The following FAF1 variants were observed in gnomAD, a reference collection of about 807,000 sequenced individuals.
FAF1 encodes the protein Fas associated factor 1.
FAF1 carries 25 observed loss-of-function variants against 92.5 expected under a neutral mutation model. The ratio of observed to expected loss-of-function variants is 0.27; its 90% CI spans 0.20 to 0.38. The LOEUF is 0.38. FAF1 is among the 10% of genes least tolerant of loss of function. The pLI, the probability that FAF1 is intolerant of heterozygous loss-of-function variation, is 1.00. For synonymous variants in FAF1, 234 were observed against 273.2 expected, an observed-to-expected ratio of 0.86 and a Z score of 1.42; for missense variants, 636 against 793.3, an observed-to-expected ratio of 0.80 and a Z score of 2.38.
intron 1 of FAF1, among the ~76,000 whole-genome samples, chr1:50,927,724 A>C (rs1049637733): frequency 6.6e-6 from 1 of 152,144 alleles, no homozygotes; most frequent in African/African-American, 2.4e-5. Flanking sequence ...TGTTTAAACA[A>C]ATTTTTTTTC....
chr1:50,941,595 C>T (rs777752806), intron 1 of FAF1, among the ~76,000 whole-genome samples: 2 of 152,118 alleles, frequency 1.3e-5, no homozygotes, highest in Non-Finnish European at 1.5e-5. Flanking sequence ...TGGGCTCAAT[C>T]GATCCTCCCA....
At chr1:50,876,835 C>T (rs1644575785) in intron 1 of FAF1, among the ~76,000 whole-genome samples, 1 of 152,172 alleles carries the variant, frequency 6.6e-6, no homozygotes. Context: ...CCGCCCACCT[C>T]GGCCTCCCAA....
At chr1:50,707,868 A>G (rs1421988024) in intron 6 of FAF1, among the ~76,000 whole-genome samples, 1 of 152,218 alleles carries the variant, frequency 6.6e-6, no homozygotes, top group Non-Finnish European at 1.5e-5. Flanking sequence ...TCTGGAAACT[A>G]CCATAGGAGT....
At chr1:50,741,174 A>C (rs1012745138) in intron 5 of FAF1, among the ~76,000 whole-genome samples, 16 of 152,236 alleles carry the variant, frequency 1.1e-4, no homozygotes, top group Admixed American at 7.9e-4. Flanking sequence ...TAGATACAGA[A>C]GCCTGTTGGA....
chr1:50,505,267 G>C (rs1297706075), intron 15 of FAF1, among the ~76,000 whole-genome samples: 1 of 152,086 alleles, frequency 6.6e-6, no homozygotes, highest in Admixed American at 6.5e-5. Context: ...CCTCACAATA[G>C]GTTCCCAAAT....
chr1:50,887,735 A>G (rs916812001), intron 1 of FAF1, among the ~76,000 whole-genome samples: 4 of 152,100 alleles, frequency 2.6e-5, no homozygotes, highest in Admixed American at 1.3e-4. Context: ...CCATTGGTCT[A>G]TATCTCTGTT....
chr1:50,467,790 A>C (rs2148993885), intron 18 of FAF1, among the ~76,000 whole-genome samples: 1 of 152,280 alleles, frequency 6.6e-6, no homozygotes, highest in African/African-American at 2.4e-5. Context: ...TTTGTGCCTC[A>C]GTTTCCCTAT....
At chr1:50,845,569 T>A (rs1003543241) in intron 2 of FAF1, among the ~76,000 whole-genome samples, 4 of 152,024 alleles carry the variant, frequency 2.6e-5, no homozygotes, top group African/African-American at 7.2e-5. Flanking sequence ...TACCCACTCT[T>A]CTGCTTGCTG....
intron 12 of FAF1, among the ~76,000 whole-genome samples, chr1:50,574,898 C>CTTTTTTTT (rs891527014): frequency 2.8e-5 from 2 of 71,446 alleles, no homozygotes; most frequent in Non-Finnish European, 5.5e-5. Flanking sequence ...TGTATTAACT[C>CTTTTTTTT]TTTTTTTTTT....
At chr1:50,717,002 G>A (rs953226202) in intron 6 of FAF1, among the ~76,000 whole-genome samples, 2 of 152,124 alleles carry the variant, frequency 1.3e-5, no homozygotes, top group Non-Finnish European at 1.5e-5. Flanking sequence ...TGAAGTCAGC[G>A]AGACCACCAA....
chr1:50,448,445 T>C (rs1211171742), intron 18 of FAF1, among the ~76,000 whole-genome samples: 4 of 152,232 alleles, frequency 2.6e-5, no homozygotes, highest in Non-Finnish European at 5.9e-5. Flanking sequence ...GGGAAGTATT[T>C]ATTTCACATT....
At chr1:50,676,362 A>C (rs1656118801) in intron 7 of FAF1, among the ~76,000 whole-genome samples, 1 of 149,860 alleles carries the variant, frequency 6.7e-6, no homozygotes, top group East Asian at 2.0e-4. Flanking sequence ...AGCCAAGATC[A>C]CGCCATTGCA....
rs1656792744 is a variant in FAF1, at chr1:50,688,920, CA to C, written c.657+16865del. On this transcript the variant is annotated intron_variant, in intron 7 of 18. Transcript: ENST00000396153. ...TAAGCTGAGTGAAATAAGCCAAATA[CA>C]AAAGGCCACATACTGTATGATTCCA... 2.6e-5 allele frequency among the ~76,000 whole-genome samples: 4 copies of C among 152,070 alleles called. No homozygotes were observed. In the South Asian group the frequency reaches 6.2e-4, roughly 24 times the overall value.
At position 50,612,370 on chromosome 1, in the gene FAF1, A is replaced by C. The variant is rs1268180121; in HGVS notation, c.745-16154T>G. ...TCATTTTATTATAAGTTTGATAAAT[A>C]AAGAGGTTCCGTTAGTGGAGAAACC... On this transcript the variant is annotated intron_variant, in intron 8 of 18. Transcript: ENST00000396153. 3 of 1,240,796 alleles carry C rather than the reference A, an allele frequency of 2.4e-6. No homozygotes were observed. The African/African-American group carries it at 4.7e-5, about 20-fold the overall frequency. The allele number at this position is 1,240,796 out of a possible 1,614,324, so 76.9% of individuals were successfully genotyped here. A position where few individuals can be genotyped will look rare whatever the true frequency, so the allele number is the denominator to read the frequency against.
intron 4 of FAF1, among the ~76,000 whole-genome samples, chr1:50,780,073 A>C (rs1661114609): frequency 6.6e-6 from 1 of 151,998 alleles, no homozygotes; most frequent in Non-Finnish European, 1.5e-5. Flanking sequence ...GAAAACATAT[A>C]AGAAAATGTT....
intron 2 of FAF1, among the ~76,000 whole-genome samples, chr1:50,854,777 T>C (rs1318702349): frequency 6.6e-6 from 1 of 151,862 alleles, no homozygotes; most frequent in Non-Finnish European, 1.5e-5. Flanking sequence ...ATCTACAAAA[T>C]AGCTAAAATA....
intron 8 of FAF1, among the ~76,000 whole-genome samples, chr1:50,643,111 T>C (rs1264004434): frequency 6.6e-6 from 1 of 152,226 alleles, no homozygotes. Context: ...ATTACAGGCA[T>C]GAGCCACCAC....
At position 50,886,532 on chromosome 1, in the gene FAF1, C is replaced by T. The variant is rs180828216; in HGVS notation, c.46-28535G>A. On this transcript the variant is annotated intron_variant, in intron 1 of 18. Transcript: ENST00000396153. ...TCCTAATGCTATCCCTCCCCACTCC[C>T]CCCACCCCACAACAGGCCCCGGTGT... Among the ~76,000 whole-genome samples, 8 of 152,168 alleles carry T rather than the reference C, an allele frequency of 5.3e-5. No individual in the cohort carries two copies. In the East Asian group the frequency reaches 1.4e-3, roughly 26 times the overall value.
At chr1:50,688,531 G>A (rs1003687178) in intron 7 of FAF1, among the ~76,000 whole-genome samples, 1 of 152,026 alleles carries the variant, frequency 6.6e-6, no homozygotes, top group Non-Finnish European at 1.5e-5. Flanking sequence ...ATAAAATTCC[G>A]GCCAGGCGCG....
Sources: gnomAD v4.1 joint callset for allele counts (sites outside exome capture counted in the v4.1 genomes callset) on GRCh38, gnomAD v4.1.1 for gene constraint, MANE v1.5 for transcripts, NCBI Gene and HGNC (gene_info 2026-07-23, HGNC 2026-07-21) for gene names.